The following TOX variants were observed in gnomAD, a reference collection of about 807,000 sequenced individuals.
The protein encoded by TOX is thymocyte selection-associated high mobility group box protein TOX.
A neutral mutation model predicts 53.7 loss-of-function variants in TOX; 11 were observed. The ratio of observed to expected loss-of-function variants is 0.20; its 90% confidence interval spans 0.13 to 0.34. TOX has a LOEUF of 0.34. TOX is among the 10% of genes least tolerant of loss of function. TOX has a pLI of 1.00. For synonymous variants in TOX, 225 were observed against 245.3 expected, an observed-to-expected ratio of 0.92 and a Z score of 0.77; for missense variants, 570 against 664.6, an observed-to-expected ratio of 0.86 and a Z score of 1.56.
Position 58,950,649 on chromosome 8 carries a change from C to A in TOX, c.168+9294G>T, listed in dbSNP as rs546137388. 3.3e-5 allele frequency among the ~76,000 whole-genome samples: 5 copies of A among 152,262 alleles called. No individual in the cohort carries two copies. The East Asian group carries it at 9.6e-4, about 29-fold the overall frequency. On this transcript the variant is annotated intron_variant, in intron 2 of 8. Coordinates refer to ENST00000361421, the MANE Select transcript of TOX (RefSeq NM_014729.3). ...CCAGTTTAATGACGATAAGAACCCT[C>A]GATGTTCAGTTCCCCAGAAGTGGGA...
intron 1 of TOX, among the ~76,000 whole-genome samples, chr8:59,017,761 C>G (rs1036183490): frequency 3.3e-5 from 5 of 152,174 alleles, no homozygotes; most frequent in Non-Finnish European, 5.9e-5. Flanking sequence ...GAACAGGTGT[C>G]TAGAGCTATT....
chr8:58,878,831 C>A (rs368026534), intron 3 of TOX, among the ~76,000 whole-genome samples: 1 of 151,962 alleles, frequency 6.6e-6, no homozygotes, highest in Admixed American at 6.6e-5. Context: ...GAGGCTGAGG[C>A]GGGCGGATCA....
intron 1 of TOX, among the ~76,000 whole-genome samples, chr8:59,097,407 C>G (rs1804731071): frequency 6.6e-6 from 1 of 152,172 alleles, no homozygotes; most frequent in South Asian, 2.1e-4. Flanking sequence ...ACTTCTCATC[C>G]AGGAAGTCTA....
chr8:58,977,913 A>G (rs895344771), intron 1 of TOX, among the ~76,000 whole-genome samples: 1 of 152,228 alleles, frequency 6.6e-6, no homozygotes, highest in African/African-American at 2.4e-5. Context: ...TTGAAATGTG[A>G]GAATTACTGA....
At chr8:58,939,227 G>A in intron 3 of TOX, 75 bp downstream of exon 3, 1 of 1,554,674 alleles carries the variant, frequency 6.4e-7, no homozygotes, top group South Asian at 1.2e-5. Context: ...ACAATGCCAG[G>A]CCCTCGCATG....
At chr8:59,012,992 G>T (rs1210357059) in intron 1 of TOX, among the ~76,000 whole-genome samples, 1 of 151,530 alleles carries the variant, frequency 6.6e-6, no homozygotes, top group Non-Finnish European at 1.5e-5. Context: ...CAAACTAGTG[G>T]TTAATGCCAT....
chr8:58,897,600 G>T (rs1267376790), intron 3 of TOX, among the ~76,000 whole-genome samples: 2 of 152,124 alleles, frequency 1.3e-5, no homozygotes, highest in Admixed American at 6.5e-5. Flanking sequence ...AACTGTCAGT[G>T]ATGGAATATT....
At chr8:58,842,454 G>A (rs1810661628) in intron 4 of TOX, among the ~76,000 whole-genome samples, 1 of 152,176 alleles carries the variant, frequency 6.6e-6, no homozygotes. Context: ...AGAATTGTAA[G>A]AAATATATCT....
chr8:58,935,909 T>G (rs1812335660), intron 3 of TOX, among the ~76,000 whole-genome samples: 1 of 152,330 alleles, frequency 6.6e-6, no homozygotes, highest in Admixed American at 6.5e-5. Flanking sequence ...CATCTTTAGA[T>G]CCATACATAT....
At chr8:59,058,014 A>G (rs2129421750) in intron 1 of TOX, among the ~76,000 whole-genome samples, 1 of 152,334 alleles carries the variant, frequency 6.6e-6, no homozygotes, top group East Asian at 1.9e-4. Context: ...GACGGAAAAA[A>G]TAATATTTTT....
At chr8:58,894,589 A>G (rs1811609175) in intron 3 of TOX, among the ~76,000 whole-genome samples, 1 of 152,168 alleles carries the variant, frequency 6.6e-6, no homozygotes, top group African/African-American at 2.4e-5. Flanking sequence ...ATTATTAACA[A>G]TTCTGGTTAT....
intron 1 of TOX, among the ~76,000 whole-genome samples, chr8:58,986,954 G>A (rs1223540094): frequency 6.6e-6 from 1 of 152,178 alleles, no homozygotes; most frequent in Non-Finnish European, 1.5e-5. Flanking sequence ...GTGTTAACAT[G>A]GAAAGGAGAG....
chr8:58,811,004 C>G (rs1378136225), intron 7 of TOX, among the ~76,000 whole-genome samples: 1 of 152,158 alleles, frequency 6.6e-6, no homozygotes, highest in African/African-American at 2.4e-5. Flanking sequence ...CTTCAGCTAA[C>G]TTCAATGTCT....
chr8:58,939,393 G>A lies in TOX; in HGVS notation c.320C>T (p.Pro107Leu). Residue 107 changes from proline (P) to leucine (L), a missense_variant, in exon 3 of 9, where the codon CCA becomes CTA. Pro to Leu is a moderately conservative substitution (Grantham distance 98). Around this residue, in one of 3 missense-constraint regions of TOX, gnomAD observed 282 missense variants for 315.0 expected, o/e 0.90. Transcript: ENST00000361421. ...GAGGTCCATGTTTTGTGGATGAAAT[G>A]GTAGCAGGCCATTATGGTTCATGGG... ...CHPMNHNGLL[P>L]FHPQNMDLPE... 1 of 1,614,098 alleles carries A rather than the reference G, an allele frequency of 6.2e-7. No individual in the cohort carries two copies. The highest frequency in any genetic ancestry group is 8.5e-7 in the Non-Finnish European group (1 of 1,180,036).
intron 1 of TOX, among the ~76,000 whole-genome samples, chr8:59,035,421 T>C (rs1814439096): frequency 6.6e-6 from 1 of 152,196 alleles, no homozygotes; most frequent in Non-Finnish European, 1.5e-5. Context: ...TAGAACACAG[T>C]GGCTAGTCAC....
chr8:59,063,479 A>G (rs954970161), intron 1 of TOX, among the ~76,000 whole-genome samples: 2 of 143,922 alleles, frequency 1.4e-5, no homozygotes, highest in African/African-American at 5.3e-5. Flanking sequence ...GCTGGAATGC[A>G]GTGACATGAT....
At chr8:59,106,926 G>A (rs1040780918) in intron 1 of TOX, among the ~76,000 whole-genome samples, 1 of 151,664 alleles carries the variant, frequency 6.6e-6, no homozygotes, top group Admixed American at 6.6e-5. Context: ...CAAGCTATGT[G>A]ATGTCATAAC....
At position 58,822,787 on chromosome 8, in the gene TOX, A is replaced by C. The variant is rs181277032; in HGVS notation, c.1005+4035T>G. 5.4e-3 allele frequency among the ~76,000 whole-genome samples: 824 copies of C among 152,294 alleles called. 11 individuals are homozygous for C. The highest frequency in any genetic ancestry group is 0.018 in the African/African-American group (762 of 41,568). On this transcript the variant is annotated intron_variant, in intron 6 of 8. Coordinates refer to ENST00000361421, the MANE Select transcript of TOX (RefSeq NM_014729.3). ...TGAGGTGCCAGTTTGAAAGATTAAA[A>C]ACATTTGAGAATCACTGAGGGTAGA... is the stretch of plus-strand genomic sequence containing the variant.
In TOX at chr8:59,118,909, G is replaced by A. The variant is rs1379500926; in HGVS notation, c.79C>T (p.Leu27=). ...DAPCLGPSPC[L]DPYYCNKFDG... ...ACCTTGTTGCAATAGTAGGGGTCCA[G>A]GCAGGGAGAAGGTCCCAGACAGGGA... The change falls in exon 1 of 9, where the codon CTG becomes TTG. Residue 27 remains leucine (L), a synonymous_variant. Coordinates refer to ENST00000361421, the MANE Select transcript of TOX (RefSeq NM_014729.3). The surrounding 1 kb of genome is among the most constrained non-coding windows in gnomAD (Gnocchi z 4.1). The A allele has an allele frequency of 6.3e-7, 1 of 1,595,760 alleles. No homozygotes were observed. The highest frequency in any genetic ancestry group is 1.1e-5 in the South Asian group (1 of 89,996).
Sources: gnomAD v4.1 joint callset for allele counts (sites outside exome capture counted in the v4.1 genomes callset) on GRCh38, gnomAD v4.1.1 for gene constraint, gnomAD v4.1.1 regional missense constraint, Gnocchi (gnomAD v3.1) non-coding constraint, MANE v1.5 for transcripts, NCBI Gene and HGNC (gene_info 2026-07-23, HGNC 2026-07-21) for gene names.